Variants in WNK2 observed in about 807,000 individuals in gnomAD.
WNK2 encodes serine/threonine-protein kinase WNK2.
In WNK2, 67 loss-of-function variants were observed where a neutral mutation model predicts 192.1. That is an observed-to-expected ratio of 0.35 (90% CI 0.29 to 0.43). WNK2 has a LOEUF of 0.43. Among genes scored for constraint, WNK2 ranks in the 20% least tolerant of loss-of-function variants. The probability of loss-of-function intolerance (pLI) is 1.00; values close to 1 mark genes in which losing one functional copy is unlikely to be tolerated. For synonymous variants in WNK2, 1,439 were observed against 1,393.9 expected, an observed-to-expected ratio of 1.03 and a Z score of -0.72; for missense variants, 2,698 against 3,089.7, an observed-to-expected ratio of 0.87 and a Z score of 3.01.
In WNK2 at chr9:93,218,648, C is replaced by T. The variant is rs1042581495; in HGVS notation, c.682-11048C>T. 4.6e-5 allele frequency among the ~76,000 whole-genome samples: 7 copies of T among 152,306 alleles called. No homozygotes were observed. The East Asian group carries it at 5.8e-4, about 13-fold the overall frequency. On this transcript the variant is annotated intron_variant, in intron 2 of 29. Transcript: ENST00000427277. ...CCGAGGGTTCGAGCAGACATTTCCCCGTCAGGAAGTAACATCAGTGTTCCC... is the reference window on the plus strand; with the variant it reads ...CCGAGGGTTCGAGCAGACATTTCCCTGTCAGGAAGTAACATCAGTGTTCCC...
At chr9:93,254,007 C>T (rs1842939946) in intron 9 of WNK2, among the ~76,000 whole-genome samples, 2 of 152,120 alleles carry the variant, frequency 1.3e-5, no homozygotes, top group South Asian at 2.1e-4. Flanking sequence ...ACCTCTGCCT[C>T]CTGGGTTCAA....
chr9:93,284,782 A>G (rs571454347), intron 19 of WNK2, among the ~76,000 whole-genome samples: 4 of 152,334 alleles, frequency 2.6e-5, no homozygotes, highest in African/African-American at 7.2e-5. Flanking sequence ...CTTTTTGTAA[A>G]TATGTATAAG....
In WNK2 at chr9:93,232,432, C is replaced by T. The variant is rs773149021; in HGVS notation, c.1075+1324C>T. Among the ~76,000 whole-genome samples the T allele has an allele frequency of 1.2e-4, 18 of 152,168 alleles. 1 individual carries two copies. The highest frequency in any genetic ancestry group is 2.2e-4 in the Non-Finnish European group (15 of 68,034). The stretch of plus-strand genomic sequence containing the variant: ...GGGGCTGAGAGCAGGGGCCCAGGAC[C>T]GTGGAGAGCCCATGCCCAGGGCTTT... On this transcript the variant is annotated intron_variant, in intron 4 of 29. Coordinates refer to ENST00000427277, the MANE Select transcript of WNK2 (RefSeq NM_006648.4).
intron 2 of WNK2, among the ~76,000 whole-genome samples, chr9:93,204,303 G>A (rs1832989328): frequency 6.6e-6 from 1 of 152,194 alleles, no homozygotes; most frequent in Admixed American, 6.5e-5. Context: ...GGAGGCAGAC[G>A]AGGGCGGGCA....
Position 93,293,141 on chromosome 9 carries a change from C to A in WNK2, c.5676C>A (p.Asp1892Glu). ...ATGATTCGGAGCTCGAGGATGCTGA[C>A]ATAAAGAAGGAGCTGCAGAGTCTGC... ...SDNDSELEDADIKKELQSLRE... is the reference protein window; with the variant it reads ...SDNDSELEDAEIKKELQSLRE... The change falls in exon 23 of 30, where the codon GAC becomes GAA. Residue 1892 changes from aspartate (D) to glutamate (E), a missense_variant. Asp to Glu is a conservative substitution (Grantham distance 45). This residue lies in a region of WNK2 where 1,098 missense variants were observed against 1,101.0 expected (regional missense o/e 1.00). Coordinates refer to ENST00000427277, the MANE Select transcript of WNK2 (RefSeq NM_006648.4). The A allele has an allele frequency of 6.4e-7, 1 of 1,563,280 alleles. No individual in the cohort carries two copies. Among genetic ancestry groups the A allele is most frequent in the South Asian group, 1.2e-5 (1 of 83,640 alleles).
At chr9:93,251,833 G>A (rs760406159) in intron 8 of WNK2, among the ~76,000 whole-genome samples, 3 of 152,218 alleles carry the variant, frequency 2.0e-5, no homozygotes, top group Non-Finnish European at 2.9e-5. Flanking sequence ...AAGTGGATGT[G>A]ACCACTCGGC....
At position 93,256,443 on chromosome 9, in the gene WNK2, C is replaced by G. The variant is rs1377902143; in HGVS notation, c.2179C>G (p.Pro727Ala). 1 of 1,528,504 alleles carries G rather than the reference C, an allele frequency of 6.5e-7. No homozygotes were observed. The highest frequency in any genetic ancestry group is 1.2e-5 in the South Asian group (1 of 82,888). The allele number at this position is 1,528,504 out of a possible 1,614,324, so 94.7% of individuals were successfully genotyped here. ...CACGGGCCCAGGCCAGCCAGCACCC[C>G]CCGGCCAGCAGGTGAGTGTGGCACC... ...MPTGPGQPAPPGQQPPPLAQP... is the reference protein window; with the variant it reads ...MPTGPGQPAPAGQQPPPLAQP... Residue 727 changes from proline (P) to alanine (A), a missense_variant, in exon 10 of 30, where the codon CCC (proline) becomes GCC (alanine). Around this residue, in one of 7 missense-constraint regions of WNK2, gnomAD observed 893 missense variants for 909.0 expected, o/e 0.98. Coordinates refer to ENST00000427277, the MANE Select transcript of WNK2 (RefSeq NM_006648.4).
At position 93,263,754 on chromosome 9, in the gene WNK2, CGGGGGTGTGGTGGGGGTGGGG is replaced by C; in HGVS notation, c.3579+22_3579+42del. 1 of 740,178 alleles carries C rather than the reference CGGGGGTGTGGTGGGGGTGGGG, an allele frequency of 1.4e-6. No homozygotes were observed. Among genetic ancestry groups the C allele is most frequent in the Non-Finnish European group, 1.9e-6 (1 of 513,808 alleles). The allele number at this position is 740,178 out of a possible 1,614,324, so 45.9% of individuals were successfully genotyped here. A position where few individuals can be genotyped will look rare whatever the true frequency, so the allele number is the denominator to read the frequency against. On this transcript the variant is annotated intron_variant, in intron 15 of 29. Transcript: ENST00000427277. ...TTGAACGTGAGTGGGCGGGGCGTGG[CGGGGGTGTGGTGGGGGTGGGG>C]GCATGGTGGGGGTGTGGTGGGGGTG...
intron 14 of WNK2, chr9:93,263,282 G>A (rs1844589114): frequency 1.9e-6 from 1 of 515,886 alleles, no homozygotes; most frequent in South Asian, 2.1e-5. Context: ...GGAAACTGAG[G>A]CACAGGGGCT....
At chr9:93,205,522 C>T (rs1488872556) in intron 2 of WNK2, among the ~76,000 whole-genome samples, 1 of 152,190 alleles carries the variant, frequency 6.6e-6, no homozygotes, top group Admixed American at 6.5e-5. Flanking sequence ...CCTGTCCGTC[C>T]CTGCACCCTG....
At chr9:93,288,608 A>G (rs770280691) in intron 19 of WNK2, among the ~76,000 whole-genome samples, 180 bp from the exon 20 acceptor site, 3 of 152,196 alleles carry the variant, frequency 2.0e-5, no homozygotes, top group African/African-American at 4.8e-5. Flanking sequence ...CGTTACAGGA[A>G]GCAGCAGCCA....
In WNK2 at chr9:93,267,900, G is replaced by A; in HGVS notation, c.3851G>A (p.Gly1284Asp). 1 of 1,612,740 alleles carries A rather than the reference G, an allele frequency of 6.2e-7. No individual in the cohort carries two copies. The highest frequency in any genetic ancestry group is 8.5e-7 in the Non-Finnish European group (1 of 1,179,472). ...GTSPPHLSTC[G>D]LGTGEESRQS... ...AGCCCGCCACACCTCAGCACCTGCG[G>A]CCTGGGCACCGGGGAGGTGAGGTTG... The change falls in exon 17 of 30, where the codon GGC becomes GAC. Residue 1284 changes from glycine to aspartate, a missense_variant. Around this residue, in one of 7 missense-constraint regions of WNK2, gnomAD observed 1,098 missense variants for 1,101.0 expected, o/e 1.00. Coordinates refer to ENST00000427277, the MANE Select transcript of WNK2 (RefSeq NM_006648.4).
intron 29 of WNK2, chr9:93,318,045 G>T (rs765567529): frequency 2.5e-6 from 4 of 1,612,142 alleles, no homozygotes; most frequent in Non-Finnish European, 3.4e-6. Flanking sequence ...TGGTCCACGC[G>T]CCGTCTCCAC....
intron 2 of WNK2, among the ~76,000 whole-genome samples, chr9:93,193,082 G>T (rs999888685): frequency 6.6e-6 from 1 of 152,194 alleles, no homozygotes; most frequent in Admixed American, 6.5e-5. Flanking sequence ...CTTGTGGTCC[G>T]TCCTGGCTGT....
At chr9:93,191,612 G>C (rs1830344350) in intron 2 of WNK2, among the ~76,000 whole-genome samples, 1 of 152,088 alleles carries the variant, frequency 6.6e-6, no homozygotes, top group South Asian at 2.1e-4. Flanking sequence ...GACTGCCACT[G>C]TCTAGGTGAG....
chr9:93,197,554 T>C (rs1244040417), intron 2 of WNK2, among the ~76,000 whole-genome samples: 1 of 151,830 alleles, frequency 6.6e-6, no homozygotes, highest in Non-Finnish European at 1.5e-5. Flanking sequence ...CTTGAGGGAG[T>C]CTTGCTCTGT....
intron 23 of WNK2, among the ~76,000 whole-genome samples, chr9:93,295,004 A>G (rs1363446795): frequency 2.6e-5 from 4 of 152,182 alleles, no homozygotes; most frequent in South Asian, 2.1e-4. Context: ...AACCCTCTGA[A>G]TACCGAGGTG....
chr9:93,296,872 C>T lies in WNK2; in HGVS notation c.5709-981C>T, dbSNP rs564905645. 1.4e-3 allele frequency among the ~76,000 whole-genome samples: 172 copies of T among 119,504 alleles called. 2 individuals are homozygous for T. The highest frequency in any genetic ancestry group is 6.1e-3 in the African/African-American group (162 of 26,630). 78.4% of individuals were successfully genotyped at this position (119,504 alleles called of 152,430 possible). ...ATCCTTCCTTCACCTTCCTCCCCTC[C>T]GCACCCTCCCCTCCGCATCCTCCCT... On this transcript the variant is annotated intron_variant, in intron 23 of 29. Transcript: ENST00000427277.
In WNK2 at chr9:93,262,064, G is replaced by A. The variant is rs780800566; in HGVS notation, c.3317G>A (p.Ser1106Asn). Residue 1106 changes from serine to asparagine, a missense_variant, in exon 13 of 30, where the codon AGC becomes AAC. By Grantham distance (46) the Ser-to-Asn change is conservative (BLOSUM62 1). Around this residue, in one of 7 missense-constraint regions of WNK2, gnomAD observed 893 missense variants for 909.0 expected, o/e 0.98. Transcript: ENST00000427277. The stretch of plus-strand genomic sequence containing the variant: ...CTGCCTGGCGGGCCCGGGATCGCCA[G>A]CCCTTGCCCAACTGTCCAGCTGACG... ...PPLPGGPGIA[S>N]PCPTVQLTVE... 1 of 1,609,228 alleles carries A rather than the reference G, an allele frequency of 6.2e-7. No individual in the cohort carries two copies. Among genetic ancestry groups the A allele is most frequent in the South Asian group, 1.1e-5 (1 of 90,836 alleles).
Sources: allele counts gnomAD v4.1 joint callset (sites outside exome capture counted in the v4.1 genomes callset), GRCh38; gene constraint gnomAD v4.1.1; regional missense constraint gnomAD v4.1.1; transcripts MANE v1.5; gene names NCBI Gene and HGNC (gene_info 2026-07-23, HGNC 2026-07-21).